TRIM33: variants seen among roughly 807,000 people sequenced by gnomAD.
TRIM33 encodes tripartite motif containing 33, also known as E3 ubiquitin-protein ligase TRIM33.
A neutral mutation model predicts 125.4 loss-of-function variants in TRIM33; 20 were observed. The observed-to-expected ratio is 0.16, with a 90% CI of 0.11 to 0.23. The LOEUF is 0.23. Among genes scored for constraint, TRIM33 ranks in the 10% least tolerant of loss-of-function variants. The probability of loss-of-function intolerance (pLI) is 1.00; values close to 1 mark genes in which losing one functional copy is unlikely to be tolerated. For synonymous variants in TRIM33, 564 were observed against 513.9 expected, an observed-to-expected ratio of 1.10 and a Z score of -1.32; for missense variants, 920 against 1,411.4, an observed-to-expected ratio of 0.65 and a Z score of 5.58.
chr1:114,502,937 T>A (rs1399312089), intron 1 of TRIM33, among the ~76,000 whole-genome samples: 1 of 152,226 alleles, frequency 6.6e-6, no homozygotes, highest in African/African-American at 2.4e-5. Context: ...AGAATATGGC[T>A]GGATATATGC....
At position 114,421,584 on chromosome 1, in the gene TRIM33, GTGT is replaced by G; in HGVS notation, c.1910_1912del (p.Asn637del). ...AGTAGGGCTCGTTGGGTTGATTGTGGTGTTGTGTACCGATACTACGGGAAAGGG... is the reference window on the plus strand; with the variant it reads ...AGTAGGGCTCGTTGGGTTGATTGTGGTGTGTACCGATACTACGGGAAAGGG... On this transcript the variant is annotated inframe_deletion, in exon 11 of 20. Coordinates refer to ENST00000358465, the MANE Select transcript of TRIM33 (RefSeq NM_015906.4). 1 of 1,614,156 alleles carries G rather than the reference GTGT, an allele frequency of 6.2e-7. No homozygotes were observed. The highest frequency in any genetic ancestry group is 8.5e-7 in the Non-Finnish European group (1 of 1,180,034).
At chr1:114,409,683 A>G (rs1652459835) in intron 12 of TRIM33, among the ~76,000 whole-genome samples, 1 of 152,238 alleles carries the variant, frequency 6.6e-6, no homozygotes, top group Admixed American at 6.5e-5. Flanking sequence ...ATAATTACAA[A>G]GAACAATCAA....
At chr1:114,427,555 A>G (rs1458507114) in intron 7 of TRIM33, among the ~76,000 whole-genome samples, 193 bp downstream of exon 7, 2 of 152,190 alleles carry the variant, frequency 1.3e-5, no homozygotes, top group African/African-American at 2.4e-5. Context: ...ATTCTAAAAA[A>G]TGACAGAAAT....
chr1:114,419,790 G>A (rs1325131424), intron 11 of TRIM33, among the ~76,000 whole-genome samples: 2 of 152,180 alleles, frequency 1.3e-5, no homozygotes, highest in Non-Finnish European at 2.9e-5. Context: ...AATTATGTGA[G>A]ATGAGGGATA....
chr1:114,481,517 G>A (rs574221445), intron 1 of TRIM33, among the ~76,000 whole-genome samples: 1 of 151,386 alleles, frequency 6.6e-6, no homozygotes, highest in Admixed American at 6.6e-5. Context: ...CCTGAATCTG[G>A]GTGGCAGAGG....
chr1:114,416,914 C>T (rs2101128779), intron 11 of TRIM33, among the ~76,000 whole-genome samples: 1 of 152,314 alleles, frequency 6.6e-6, no homozygotes, highest in East Asian at 1.9e-4. Flanking sequence ...GCCTGGTACA[C>T]TACGTTCATA....
At chr1:114,469,439 C>A (rs1650504682) in intron 1 of TRIM33, among the ~76,000 whole-genome samples, 2 of 152,158 alleles carry the variant, frequency 1.3e-5, no homozygotes. Flanking sequence ...TTGCAAGATG[C>A]CGCTGTTCAA....
chr1:114,456,336 A>C (rs1359252286), intron 4 of TRIM33, among the ~76,000 whole-genome samples: 2 of 152,168 alleles, frequency 1.3e-5, no homozygotes, highest in Non-Finnish European at 2.9e-5. Context: ...GGACAAAAAG[A>C]AATTACCATT....
chr1:114,469,042 T>C (rs1174071655), intron 1 of TRIM33: 3 of 246,972 alleles, frequency 1.2e-5, no homozygotes, highest in African/African-American at 2.4e-5. Context: ...TACAAGTGGT[T>C]CTATAGATGG....
chr1:114,504,976 C>T (rs564714350), intron 1 of TRIM33, among the ~76,000 whole-genome samples: 2 of 152,184 alleles, frequency 1.3e-5, no homozygotes, highest in South Asian at 2.1e-4. Context: ...GAAAAATTAC[C>T]GAAATAACAC....
intron 11 of TRIM33, among the ~76,000 whole-genome samples, chr1:114,415,817 T>C (rs1338200366): frequency 6.6e-6 from 1 of 150,402 alleles, no homozygotes; most frequent in African/African-American, 2.4e-5. Context: ...CCGGGCGGGG[T>C]GGTGCACGCC....
At chr1:114,501,268 A>G (rs1181190176) in intron 1 of TRIM33, among the ~76,000 whole-genome samples, 1 of 151,998 alleles carries the variant, frequency 6.6e-6, no homozygotes, top group Non-Finnish European at 1.5e-5. Flanking sequence ...AGAAGGCTGC[A>G]GTCAAGATGT....
chr1:114,399,682 A>G (rs977776965), intron 17 of TRIM33, 73 bp from the exon 18 acceptor site: 1 of 1,298,350 alleles, frequency 7.7e-7, no homozygotes. Flanking sequence ...AATGCATAGC[A>G]TATTAATTTT....
chr1:114,509,650 C>A (rs1458400324), intron 1 of TRIM33, among the ~76,000 whole-genome samples: 2 of 152,220 alleles, frequency 1.3e-5, no homozygotes, highest in Non-Finnish European at 1.5e-5. Context: ...TACCCTCCAA[C>A]CCAGTGAGGT....
chr1:114,405,700 ACTTTCTAGATGCAGGTTG>A lies in TRIM33; in HGVS notation c.2460_2477del (p.Asn821_Ser826del). On this transcript the variant is annotated inframe_deletion, in exon 15 of 20. Transcript: ENST00000358465. ...CCAGGCTTGCCAATGCATCCAATTC[ACTTTCTAGATGCAGGTTG>A]GTTGAGAGAGGTGGTGTCAAGCTAC... 5.0e-6 allele frequency: 8 copies of A among 1,614,216 alleles called. No individual in the cohort carries two copies. The highest frequency in any genetic ancestry group is 5.9e-6 in the Non-Finnish European group (7 of 1,180,036).
At chr1:114,448,782 G>A (rs1158434088) in intron 4 of TRIM33, among the ~76,000 whole-genome samples, 4 of 152,056 alleles carry the variant, frequency 2.6e-5, no homozygotes, top group East Asian at 3.9e-4. Flanking sequence ...TAGAAGTTTC[G>A]TACTAAGCAG....
In TRIM33 at chr1:114,395,147, G is replaced by T. The variant is rs558245471; in HGVS notation, c.*2501C>A. ...GAAAAAATCAGCTTAGAAACACAAC[G>T]ATCAGTGTGCAAGAAAAAAGCTTTA... On this transcript the variant is annotated 3_prime_UTR_variant, in exon 20 of 20. Coordinates refer to ENST00000358465, the MANE Select transcript of TRIM33 (RefSeq NM_015906.4). The T allele has an allele frequency of 5.0e-6, 1 of 199,108 alleles. No homozygotes were observed. The highest frequency in any genetic ancestry group is 1.0e-5 in the Non-Finnish European group (1 of 96,384). 12.3% of individuals were successfully genotyped at this position (199,108 alleles called of 1,614,324 possible). A position where few individuals can be genotyped will look rare whatever the true frequency, so the allele number is the denominator to read the frequency against.
chr1:114,402,735 A>G (rs1467206139), intron 16 of TRIM33, 25 bp downstream of exon 16: 1 of 1,606,368 alleles, frequency 6.2e-7, no homozygotes, highest in Admixed American at 1.7e-5. Context: ...AATCCCAGTG[A>G]CAAATCAACT....
intron 15 of TRIM33, chr1:114,404,252 A>T (rs1652093516): frequency 6.6e-6 from 1 of 151,502 alleles, no homozygotes. Context: ...CTCCTGGCTC[A>T]GCTCTCCGAG....
Sources: allele counts gnomAD v4.1 joint callset (sites outside exome capture counted in the v4.1 genomes callset), GRCh38; gene constraint gnomAD v4.1.1; transcripts MANE v1.5; gene names NCBI Gene and HGNC (gene_info 2026-07-23, HGNC 2026-07-21).